Variants in COBLL1 observed in about 807,000 individuals in gnomAD.
COBLL1 encodes cordon-bleu WH2 repeat protein like 1.
A neutral mutation model predicts 94.8 loss-of-function variants in COBLL1; 50 were observed. The observed-to-expected ratio is 0.53, with a 90% CI of 0.42 to 0.67. The LOEUF (loss-of-function observed/expected upper bound fraction) is 0.67. Among genes scored for constraint, COBLL1 ranks in the 30% least tolerant of loss-of-function variants. COBLL1 has a pLI of 0.00. For synonymous variants in COBLL1, 448 were observed against 473.8 expected, an observed-to-expected ratio of 0.95 and a Z score of 0.71; for missense variants, 1,362 against 1,348.7, an observed-to-expected ratio of 1.01 and a Z score of -0.15.
At chr2:164,771,027 A>G (rs531047559) in intron 2 of COBLL1, among the ~76,000 whole-genome samples, 1 of 152,060 alleles carries the variant, frequency 6.6e-6, no homozygotes, top group Non-Finnish European at 1.5e-5. Context: ...ATTGTCCTCA[A>G]TTTCATAAGC....
intron 2 of COBLL1, among the ~76,000 whole-genome samples, chr2:164,783,643 A>T (rs1688813228): frequency 6.6e-6 from 1 of 152,090 alleles, no homozygotes; most frequent in African/African-American, 2.4e-5. Context: ...ACACTTTCAT[A>T]TTATAAGCAA....
chr2:164,821,946 T>C (rs1378169399), intron 2 of COBLL1, among the ~76,000 whole-genome samples: 3 of 152,224 alleles, frequency 2.0e-5, no homozygotes, highest in Non-Finnish European at 4.4e-5. Context: ...CTATGGCTGA[T>C]GTCCAAAAAC....
Position 164,686,034 on chromosome 2 carries a change from T to C in COBLL1, c.3301-2A>G. 6.3e-7 allele frequency: 1 copy of C among 1,576,304 alleles called. No homozygotes were observed. The highest frequency in any genetic ancestry group is 8.7e-7 in the Non-Finnish European group (1 of 1,150,840). On this transcript the variant is annotated splice_acceptor_variant, in intron 13 of 13. Transcript: ENST00000652658. LOFTEE classifies it high-confidence loss of function. ...TATTGTATTTGATGGAATGGTAACCTAAGAGAAAGAAACACACTTTGCACC... is the reference window on the plus strand; with the variant it reads ...TATTGTATTTGATGGAATGGTAACCCAAGAGAAAGAAACACACTTTGCACC...
intron 3 of COBLL1, among the ~76,000 whole-genome samples, chr2:164,731,522 T>C (rs1211925092): frequency 1.3e-5 from 2 of 152,168 alleles, no homozygotes; most frequent in Non-Finnish European, 2.9e-5. Context: ...CACTAAAAAA[T>C]CTTTGGTATC....
intron 5 of COBLL1, chr2:164,727,242 T>TA: frequency 1.7e-6 from 1 of 575,874 alleles, no homozygotes; most frequent in Non-Finnish European, 3.0e-6. Flanking sequence ...GTCTATGGAT[T>TA]ACATAAAGCC....
At chr2:164,714,370 G>GAA (rs35115672) in intron 7 of COBLL1, among the ~76,000 whole-genome samples, 2 of 114,426 alleles carry the variant, frequency 1.7e-5, no homozygotes, top group African/African-American at 3.2e-5. Flanking sequence ...CATCTTGGAT[G>GAA]AAAAAAAAAA....
rs1268596542 is a variant in COBLL1 at position 164,683,168 on chromosome 2, T to C, written c.*2778A>G. On this transcript the variant is annotated 3_prime_UTR_variant, in exon 14 of 14. Coordinates refer to ENST00000652658, the MANE Select transcript of COBLL1 (RefSeq NM_001365672.2). Reference sequence around the variant, plus strand: ...GCTGGGGATGAAAAAGAATGTATTTTATACTCTATCATATATATGTAATCT... The same window carrying C: ...GCTGGGGATGAAAAAGAATGTATTTCATACTCTATCATATATATGTAATCT... 2 of 151,920 alleles carry C rather than the reference T, an allele frequency of 1.3e-5. No individual in the cohort carries two copies. The highest frequency in any genetic ancestry group is 4.8e-5 in the African/African-American group (2 of 41,374). 9.4% of individuals were successfully genotyped at this position (151,920 alleles called of 1,614,324 possible).
In COBLL1 at chr2:164,681,305, G is replaced by C. The variant is rs1170923661; in HGVS notation, c.*4641C>G. The C allele has an allele frequency of 6.6e-6, 1 of 152,096 alleles. No individual in the cohort carries two copies. Among genetic ancestry groups the C allele is most frequent in the Non-Finnish European group, 1.5e-5 (1 of 68,016 alleles). 9.4% of individuals were successfully genotyped at this position (152,096 alleles called of 1,614,324 possible). ...GCCTCAGTTGGGAGCTCTGCTCCCT[G>C]CATCTCTCATCCTTTTCTTAGGACC... is the stretch of plus-strand genomic sequence containing the variant. On this transcript the variant is annotated 3_prime_UTR_variant, in exon 14 of 14. Coordinates refer to ENST00000652658, the MANE Select transcript of COBLL1 (RefSeq NM_001365672.2).
At chr2:164,713,083 T>C (rs542570344) in intron 7 of COBLL1, among the ~76,000 whole-genome samples, 6 of 152,272 alleles carry the variant, frequency 3.9e-5, no homozygotes, top group Non-Finnish European at 8.8e-5. Context: ...TCTGATGTCC[T>C]GTATCTCCCT....
At chr2:164,814,423 T>A (rs1187182033) in intron 2 of COBLL1, among the ~76,000 whole-genome samples, 1 of 152,186 alleles carries the variant, frequency 6.6e-6, no homozygotes, top group Non-Finnish European at 1.5e-5. Context: ...AATTAAGCAA[T>A]CTTCTCTGAG....
At chr2:164,678,450 A>C (rs1031082777), downstream of COBLL1, among the ~76,000 whole-genome samples, 1 of 152,160 alleles carries the variant, frequency 6.6e-6, no homozygotes, top group African/African-American at 2.4e-5. Context: ...AAAAAACTTC[A>C]GATGAATTCA....
At chr2:164,824,159 A>G (rs572109875) in intron 2 of COBLL1, among the ~76,000 whole-genome samples, 1 of 152,304 alleles carries the variant, frequency 6.6e-6, no homozygotes, top group South Asian at 2.1e-4. Context: ...AGGCTGGTGG[A>G]TCACCTGAGG....
At chr2:164,666,699 T>G (rs1344653224) in intron 1 of COBLL1, among the ~76,000 whole-genome samples, 1 of 152,220 alleles carries the variant, frequency 6.6e-6, no homozygotes, top group Non-Finnish European at 1.5e-5. Flanking sequence ...TTTGTTGTCA[T>G]TTCCATCTCA....
intron 12 of COBLL1, 84 bp downstream of exon 12, chr2:164,694,185 C>T: frequency 1.5e-6 from 2 of 1,297,042 alleles, no homozygotes; most frequent in South Asian, 2.8e-5. Context: ...AGTTAAGTAG[C>T]ACACAAACAT....
chr2:164,815,852 C>T (rs1684711551), intron 2 of COBLL1, among the ~76,000 whole-genome samples: 1 of 152,080 alleles, frequency 6.6e-6, no homozygotes, highest in African/African-American at 2.4e-5. Flanking sequence ...AGAAAAAACA[C>T]ACAACTATTT....
chr2:164,781,297 T>C lies in COBLL1; in HGVS notation c.42-37422A>G, dbSNP rs181404227. Among the ~76,000 whole-genome samples, 4 of 152,322 alleles carry C rather than the reference T, an allele frequency of 2.6e-5. No homozygotes were observed. In the East Asian group the frequency reaches 5.8e-4, roughly 22 times the overall value. On this transcript the variant is annotated intron_variant, in intron 2 of 13. Coordinates refer to ENST00000652658, the MANE Select transcript of COBLL1 (RefSeq NM_001365672.2). ...ACAAAAATAGCACAATAATGGCCCA[T>C]GCCTGTGATAACAGTATGTGAATAC...
At chr2:164,770,016 A>G (rs1254531369) in intron 2 of COBLL1, among the ~76,000 whole-genome samples, 1 of 152,182 alleles carries the variant, frequency 6.6e-6, no homozygotes, top group Non-Finnish European at 1.5e-5. Flanking sequence ...GGAATTTACT[A>G]AGGTACAATG....
chr2:164,841,947 T>C (rs1298923609), upstream of COBLL1: 1 of 1,534,578 alleles, frequency 6.5e-7, no homozygotes, highest in South Asian at 1.2e-5. This position sits in a 1 kb window ranked among gnomAD's most constrained non-coding sequence, Gnocchi z 5.5. Flanking sequence ...GAGCCCGCTC[T>C]CTCACTCACC....
intron 2 of COBLL1, among the ~76,000 whole-genome samples, chr2:164,776,825 T>C (rs1559004994): frequency 6.6e-6 from 1 of 152,118 alleles, no homozygotes; most frequent in Non-Finnish European, 1.5e-5. Context: ...AACAACATTA[T>C]GATTAACATA....
Sources: allele counts gnomAD v4.1 joint callset (sites outside exome capture counted in the v4.1 genomes callset), GRCh38; gene constraint gnomAD v4.1.1; non-coding constraint Gnocchi (gnomAD v3.1); transcripts MANE v1.5; gene names NCBI Gene and HGNC (gene_info 2026-07-23, HGNC 2026-07-21).